HTR1F: variants seen among roughly 807,000 people sequenced by gnomAD.
HTR1F encodes 5-hydroxytryptamine receptor 1F, also known as 5-hydroxytryptamine (serotonin) receptor 1F, G protein-coupled.
Under a neutral mutation model 24.0 loss-of-function variants are expected in HTR1F, and 17 were observed. The observed-to-expected ratio is 0.71, with a 90% confidence interval of 0.48 to 1.06. HTR1F has a LOEUF of 1.06. Ranked by LOEUF, HTR1F falls within the 50% of genes least tolerant of loss-of-function variation. The pLI is 0.00. For missense variants in HTR1F, 391 were observed against 427.8 expected, an observed-to-expected ratio of 0.91 and a Z score of 0.76; for synonymous variants, 186 against 156.8, an observed-to-expected ratio of 1.19 and a Z score of -1.39.
At chr3:87,944,162 T>C (rs1318601349) in intron 2 of HTR1F, among the ~76,000 whole-genome samples, 1 of 152,134 alleles carries the variant, frequency 6.6e-6, no homozygotes, top group Non-Finnish European at 1.5e-5. Context: ...TAGTGGTCCT[T>C]TACTAGTGTG....
intron 2 of HTR1F, among the ~76,000 whole-genome samples, chr3:87,901,068 A>C (rs1706310431): frequency 6.6e-6 from 1 of 152,234 alleles, no homozygotes; most frequent in Non-Finnish European, 1.5e-5. Flanking sequence ...GCACAGTATC[A>C]AGTTTGACTT....
Position 87,796,339 on chromosome 3 carries a change from A to T in HTR1F, c.-160+3497A>T, listed in dbSNP as rs72911619. The stretch of plus-strand genomic sequence containing the variant: ...ACCAACTGATATGAGAAGACAAAGG[A>T]ACAGTTACATTTTGAGCAGCTTACT... On this transcript the variant is annotated intron_variant, in intron 1 of 2. Transcript: ENST00000319595. 4.6e-3 allele frequency among the ~76,000 whole-genome samples: 695 copies of T among 152,178 alleles called. 2 individuals are homozygous for T. The highest frequency in any genetic ancestry group is 0.016 in the African/African-American group (672 of 41,508).
chr3:87,882,778 C>T (rs1173889804), intron 2 of HTR1F, among the ~76,000 whole-genome samples: 17 of 151,652 alleles, frequency 1.1e-4, no homozygotes, highest in Non-Finnish European at 2.2e-4. Context: ...GTGGGTGCAG[C>T]GCACCAGCAT....
In HTR1F at chr3:87,990,839, G is replaced by A; in HGVS notation, c.90G>A (p.Leu30=). The part of the protein sequence containing the change: ...MPSKILVSLT[L]SGLALMTTTI... ...CCAAAATTCTGGTGTCCCTCACTCT[G>A]TCTGGGCTGGCACTGATGACAACAA... Residue 30 remains leucine, a synonymous_variant, in exon 3 of 3, where the codon CTG becomes CTA. Coordinates refer to ENST00000319595, the MANE Select transcript of HTR1F (RefSeq NM_001322209.2). 6.2e-7 allele frequency: 1 copy of A among 1,614,160 alleles called. No homozygotes were observed.
chr3:87,942,514 C>T (rs1373061497), intron 2 of HTR1F, among the ~76,000 whole-genome samples: 2 of 120,404 alleles, frequency 1.7e-5, no homozygotes, highest in East Asian at 2.2e-4. Flanking sequence ...TGGCTTCTGA[C>T]TCAGAGGACT....
chr3:87,971,310 G>C (rs1310648025), intron 2 of HTR1F, among the ~76,000 whole-genome samples: 3 of 152,130 alleles, frequency 2.0e-5, no homozygotes, highest in Non-Finnish European at 4.4e-5. Context: ...ACTCACACCT[G>C]TAATCCTAGC....
intron 2 of HTR1F, among the ~76,000 whole-genome samples, chr3:87,909,789 A>G (rs73129411): frequency 6.6e-6 from 1 of 152,076 alleles, no homozygotes; most frequent in Non-Finnish European, 1.5e-5. Flanking sequence ...CTTTATTTTC[A>G]AGGTCTCTCA....
In HTR1F at chr3:87,950,103, C is replaced by T. The variant is rs1188886106; in HGVS notation, c.-42-40605C>T. ...TTGTAACAGTCTTCTCTCCCAGGAA[C>T]TAATTCATTCCCTTGAGAACCAATG... On this transcript the variant is annotated intron_variant, in intron 2 of 2. Coordinates refer to ENST00000319595, the MANE Select transcript of HTR1F (RefSeq NM_001322209.2). Among the ~76,000 whole-genome samples the T allele has an allele frequency of 2.6e-5, 4 of 152,146 alleles. No homozygotes were observed. The East Asian group carries it at 7.7e-4, about 29-fold the overall frequency.
intron 2 of HTR1F, among the ~76,000 whole-genome samples, chr3:87,937,083 CA>C (rs35169317): frequency 0.018 from 2,007 of 113,862 alleles, 33 homozygotes; most frequent in African/African-American, 0.053. Flanking sequence ...TGAAACTACC[CA>C]AAAAAAAAAA....
intron 2 of HTR1F, among the ~76,000 whole-genome samples, chr3:87,932,883 A>G (rs1179206932): frequency 1.1e-4 from 17 of 151,684 alleles, no homozygotes; most frequent in Non-Finnish European, 2.1e-4. Flanking sequence ...TACCAAAGCC[A>G]GGCAGAGACA....
intron 2 of HTR1F, among the ~76,000 whole-genome samples, chr3:87,898,010 A>G (rs1706238999): frequency 6.6e-6 from 1 of 152,152 alleles, no homozygotes; most frequent in African/African-American, 2.4e-5. Context: ...GAACAAGCAG[A>G]TGAATAGATC....
At chr3:87,826,709 C>A (rs962245006) in intron 2 of HTR1F, among the ~76,000 whole-genome samples, 37 of 152,266 alleles carry the variant, frequency 2.4e-4, no homozygotes, top group African/African-American at 8.7e-4. Context: ...ATTTGTCTTA[C>A]CTACTACCGT....
At chr3:87,805,202 G>T (rs1442025441) in intron 1 of HTR1F, among the ~76,000 whole-genome samples, 1 of 151,444 alleles carries the variant, frequency 6.6e-6, no homozygotes, top group East Asian at 1.9e-4. Flanking sequence ...TGTAGAGCAA[G>T]GTTTTTTTTT....
intron 2 of HTR1F, among the ~76,000 whole-genome samples, chr3:87,975,780 T>G (rs1705383091): frequency 2.0e-5 from 3 of 152,232 alleles, no homozygotes; most frequent in African/African-American, 7.2e-5. Flanking sequence ...ATATTTTAGT[T>G]GATAGCCTTG....
At chr3:87,965,687 A>G (rs1164556716) in intron 2 of HTR1F, among the ~76,000 whole-genome samples, 1 of 152,216 alleles carries the variant, frequency 6.6e-6, no homozygotes, top group Admixed American at 6.5e-5. Flanking sequence ...GAGATACTAA[A>G]CAACCACAGA....
At chr3:87,899,863 A>AAAAC (rs373054064) in intron 2 of HTR1F, among the ~76,000 whole-genome samples, 1 of 152,188 alleles carries the variant, frequency 6.6e-6, no homozygotes, top group African/African-American at 2.4e-5. Flanking sequence ...ATTCTGTCTC[A>AAAAC]AAACAAACAA....
At chr3:87,887,316 A>C (rs1559619450) in intron 2 of HTR1F, among the ~76,000 whole-genome samples, 1 of 152,176 alleles carries the variant, frequency 6.6e-6, no homozygotes. Flanking sequence ...CCTTATACAA[A>C]AATTAATTCA....
chr3:87,940,141 C>T (rs1400042796), intron 2 of HTR1F, among the ~76,000 whole-genome samples: 1 of 152,186 alleles, frequency 6.6e-6, no homozygotes, highest in Non-Finnish European at 1.5e-5. Context: ...CATTCAGGAG[C>T]AGGTTGTTCA....
rs113232776 is a variant in HTR1F, at chr3:87,956,352, C to T, written c.-42-34356C>T. Among the ~76,000 whole-genome samples, 892 of 151,472 alleles carry T rather than the reference C, an allele frequency of 5.9e-3. 11 individuals are homozygous for T. The highest frequency in any genetic ancestry group is 0.02 in the African/African-American group (842 of 41,494). ...ATATATTTGTGAGTCTATTTGAGGA[C>T]TCTTTAAAGTATTGCTATGACGTAT... On this transcript the variant is annotated intron_variant, in intron 2 of 2. Transcript: ENST00000319595.
Sources: gnomAD v4.1 joint callset for allele counts (sites outside exome capture counted in the v4.1 genomes callset) on GRCh38, gnomAD v4.1.1 for gene constraint, MANE v1.5 for transcripts, NCBI Gene and HGNC (gene_info 2026-07-23, HGNC 2026-07-21) for gene names.